The following CHST15 variants were observed in gnomAD, a reference collection of about 807,000 sequenced individuals.
CHST15 encodes carbohydrate sulfotransferase 15, also known as B cell RAG associated protein (GALNAC4S-6ST).
CHST15 carries 30 observed loss-of-function variants against 53.6 expected under a neutral mutation model. That is an observed-to-expected ratio of 0.56 (90% CI 0.42 to 0.76). CHST15 has a LOEUF of 0.76. Ranked by LOEUF, CHST15 falls within the 30% of genes least tolerant of loss-of-function variation. The pLI is 0.00. For synonymous variants in CHST15, 296 were observed against 289.8 expected, an observed-to-expected ratio of 1.02 and a Z score of -0.22; for missense variants, 627 against 740.5, an observed-to-expected ratio of 0.85 and a Z score of 1.78.
chr10:124,022,742 C>A (rs1016155727), intron 5 of CHST15, among the ~76,000 whole-genome samples: 2 of 151,968 alleles, frequency 1.3e-5, no homozygotes, highest in Non-Finnish European at 2.9e-5. Flanking sequence ...ATCCCCACCC[C>A]TTCCCCCTTG....
chr10:124,069,373 C>A (rs1357983299), intron 1 of CHST15, among the ~76,000 whole-genome samples: 1 of 152,198 alleles, frequency 6.6e-6, no homozygotes, highest in Non-Finnish European at 1.5e-5. Flanking sequence ...GGGGACCCCC[C>A]CCCCAACTAT....
At chr10:124,040,368 C>A (rs1310544332) in intron 4 of CHST15, among the ~76,000 whole-genome samples, 1 of 152,102 alleles carries the variant, frequency 6.6e-6, no homozygotes, top group Non-Finnish European at 1.5e-5. Flanking sequence ...ATAAGGGGGA[C>A]GATGGCAATT....
In CHST15 at chr10:124,036,700, G is replaced by A. The variant is rs1302518810; in HGVS notation, c.1190+1815C>T. On this transcript the variant is annotated intron_variant, in intron 5 of 7. Coordinates refer to ENST00000435907, the MANE Select transcript of CHST15 (RefSeq NM_001270764.2). This position sits in a 1 kb window ranked among gnomAD's most constrained non-coding sequence, Gnocchi z 5.1. ...CACACACACTTATTTGCATAGAAAA[G>A]TCTGGAAGAAAATACACCAAAACAT... 6.6e-6 allele frequency among the ~76,000 whole-genome samples: 1 copy of A among 152,110 alleles called. No individual in the cohort carries two copies. Among genetic ancestry groups the A allele is most frequent in the Non-Finnish European group, 1.5e-5 (1 of 68,030 alleles).
Position 124,065,260 on chromosome 10 carries a change from A to G in CHST15, c.-512-18536T>C, listed in dbSNP as rs552984187. 4.6e-5 allele frequency among the ~76,000 whole-genome samples: 7 copies of G among 152,260 alleles called. No homozygotes were observed. The South Asian group carries it at 1.5e-3, about 32-fold the overall frequency. ...TTAGCCAGGCATAGTGGTGGTGCCT[A>G]CAGTCCCAGCTACTTGGGAGGCTGA... On this transcript the variant is annotated intron_variant, in intron 1 of 7. Transcript: ENST00000435907.
chr10:124,028,551 C>T (rs1253451922), intron 5 of CHST15, among the ~76,000 whole-genome samples: 1 of 152,196 alleles, frequency 6.6e-6, no homozygotes, highest in African/African-American at 2.4e-5. Flanking sequence ...TGAACACCAC[C>T]ACTCCCCAGT....
intron 6 of CHST15, among the ~76,000 whole-genome samples, chr10:124,015,841 GGA>G (rs1347487552): frequency 6.6e-6 from 1 of 152,334 alleles, no homozygotes; most frequent in Non-Finnish European, 1.5e-5. Flanking sequence ...AGGAGTGGGT[GGA>G]GAGAGAAGAC....
Position 124,010,364 on chromosome 10 carries a change from G to T in CHST15, c.1496-25C>A, listed in dbSNP as rs192180685. On this transcript the variant is annotated intron_variant, in intron 7 of 7. Coordinates refer to ENST00000435907, the MANE Select transcript of CHST15 (RefSeq NM_001270764.2). ...CCTAGAATAAAAGAAGACGAGTCCC[G>T]TAAGGCAGGAGGCATGGCAGGAAGT... 1.7e-5 allele frequency: 26 copies of T among 1,537,870 alleles called. No individual in the cohort carries two copies. The South Asian group carries it at 3.1e-4, about 18-fold the overall frequency.
At chr10:124,090,735 C>G (rs1949578876) in intron 1 of CHST15, among the ~76,000 whole-genome samples, 1 of 152,230 alleles carries the variant, frequency 6.6e-6, no homozygotes, top group African/African-American at 2.4e-5. Context: ...GGTGACCGTG[C>G]TGGGTCCCTG....
chr10:124,016,142 C>T (rs1564849787), intron 6 of CHST15, among the ~76,000 whole-genome samples: 1 of 152,132 alleles, frequency 6.6e-6, no homozygotes, highest in Non-Finnish European at 1.5e-5. Context: ...CCTCTGAGCA[C>T]CCCTCAGGGT....
At chr10:124,079,084 C>A (rs1370321843) in intron 1 of CHST15, among the ~76,000 whole-genome samples, 1 of 152,094 alleles carries the variant, frequency 6.6e-6, no homozygotes, top group Non-Finnish European at 1.5e-5. Flanking sequence ...GGAAGAGATG[C>A]TGAATGAACA....
At chr10:124,092,840 T>C (rs1284280344) in intron 1 of CHST15, among the ~76,000 whole-genome samples, 2 of 152,204 alleles carry the variant, frequency 1.3e-5, no homozygotes, top group Non-Finnish European at 2.9e-5. Context: ...CACTGGTCTG[T>C]CCGTCGGTCG....
intron 1 of CHST15, among the ~76,000 whole-genome samples, chr10:124,058,032 A>AT (rs1423148678): frequency 3.9e-5 from 6 of 152,326 alleles, no homozygotes; most frequent in African/African-American, 1.2e-4. Flanking sequence ...ACAATCAATA[A>AT]TTTTTTCTGA....
At chr10:124,026,637 C>T (rs1333294870) in intron 5 of CHST15, among the ~76,000 whole-genome samples, 1 of 152,140 alleles carries the variant, frequency 6.6e-6, no homozygotes, top group Non-Finnish European at 1.5e-5. Context: ...TGCAGGGGCA[C>T]GGATGCAACC....
intron 7 of CHST15, chr10:124,010,784 C>G (rs1470980879): frequency 1.0e-6 from 1 of 985,318 alleles, no homozygotes; most frequent in African/African-American, 1.7e-5. Flanking sequence ...TCAGGCTGCT[C>G]ATGCCAAGGT....
intron 6 of CHST15, chr10:124,020,533 G>A (rs1172507713): frequency 2.0e-6 from 2 of 985,396 alleles, no homozygotes; most frequent in Non-Finnish European, 1.2e-6. Flanking sequence ...CACCACCTGG[G>A]GGCTTCCAAG....
At chr10:124,012,222 C>G in intron 7 of CHST15, 111 bp downstream of exon 7, 1 of 1,281,922 alleles carries the variant, frequency 7.8e-7, no homozygotes, top group Non-Finnish European at 1.1e-6. Flanking sequence ...GGCCTCCCAG[C>G]TCAGCCCATT....
At chr10:124,020,296 A>G in intron 6 of CHST15, 6 of 985,516 alleles carry the variant, frequency 6.1e-6, no homozygotes, top group Non-Finnish European at 7.2e-6. Context: ...CAAATGGCCA[A>G]GCTGGAAACC....
In CHST15 at chr10:124,036,681, CACTT is replaced by C. The variant is rs1457764663; in HGVS notation, c.1190+1830_1190+1833del. Among the ~76,000 whole-genome samples the C allele has an allele frequency of 2.0e-5, 3 of 152,112 alleles. No homozygotes were observed. Among genetic ancestry groups the C allele is most frequent in the African/African-American group, 4.8e-5 (2 of 41,378 alleles). On this transcript the variant is annotated intron_variant, in intron 5 of 7. Coordinates refer to ENST00000435907, the MANE Select transcript of CHST15 (RefSeq NM_001270764.2). The surrounding 1 kb of genome is among the most constrained non-coding windows in gnomAD (Gnocchi z 5.1). Reference sequence around the variant, plus strand: ...CCATGTGCACACACACACACACACACACTTATTTGCATAGAAAAGTCTGGAAGAA... The same window carrying C: ...CCATGTGCACACACACACACACACACATTTGCATAGAAAAGTCTGGAAGAA...
rs761249169 is a variant in CHST15 at position 124,021,347 on chromosome 10, A to G, written c.1256T>C (p.Val419Ala). 3.1e-6 allele frequency: 5 copies of G among 1,613,976 alleles called. No homozygotes were observed. Among genetic ancestry groups the G allele is most frequent in the Non-Finnish European group, 4.2e-6 (5 of 1,180,008 alleles). Residue 419 changes from valine (V) to alanine (A), a missense_variant, in exon 6 of 8, where the codon GTG (valine) becomes GCG (alanine). Around this residue, in one of 3 missense-constraint regions of CHST15, gnomAD observed 279 missense variants for 371.6 expected, o/e 0.75. Coordinates refer to ENST00000435907, the MANE Select transcript of CHST15 (RefSeq NM_001270764.2). ...NKSADDFHEK[V>A]TEALQLFENC... ...TTCAAACAGCTGCAGTGCTTCTGTC[A>G]CTTTCTCATGGAAGTCGTCCGCGGA...
Sources: gnomAD v4.1 joint callset for allele counts (sites outside exome capture counted in the v4.1 genomes callset) on GRCh38, gnomAD v4.1.1 for gene constraint, gnomAD v4.1.1 regional missense constraint, Gnocchi (gnomAD v3.1) non-coding constraint, MANE v1.5 for transcripts, NCBI Gene and HGNC (gene_info 2026-07-23, HGNC 2026-07-21) for gene names.